The following TMC1 variants were observed in gnomAD, a reference collection of about 807,000 sequenced individuals.
TMC1 encodes transmembrane channel-like protein 1.
A neutral mutation model predicts 105.8 loss-of-function variants in TMC1; 84 were observed. That is an observed-to-expected ratio of 0.79 (90% CI 0.67 to 0.95). TMC1 has a LOEUF of 0.95. Among genes scored for constraint, TMC1 ranks in the 40% least tolerant of loss-of-function variants. The probability of loss-of-function intolerance (pLI) is 0.00; values close to 1 mark genes in which losing one functional copy is unlikely to be tolerated. For synonymous variants in TMC1, 315 were observed against 311.5 expected (o/e 1.01, Z -0.12); for missense variants, 817 against 914.1 (o/e 0.89, Z 1.37).
intron 23 of TMC1, 129 bp downstream of exon 23, chr9:72,830,811 A>G (rs1391607380): frequency 5.0e-6 from 4 of 799,138 alleles, no homozygotes; most frequent in East Asian, 5.3e-5. Flanking sequence ...TCATTCCACA[A>G]TCCTTACCTT....
At chr9:72,605,885 T>C (rs1030600849) in intron 2 of TMC1, among the ~76,000 whole-genome samples, 1 of 152,146 alleles carries the variant, frequency 6.6e-6, no homozygotes, top group African/African-American at 2.4e-5. Flanking sequence ...CCCAGTCAGA[T>C]AAAATTTTAA....
At chr9:72,734,363 C>T (rs931089645) in intron 8 of TMC1, among the ~76,000 whole-genome samples, 20 of 152,138 alleles carry the variant, frequency 1.3e-4, no homozygotes, top group African/African-American at 4.6e-4. Flanking sequence ...ATGGATGTGA[C>T]AATCCTACAG....
chr9:72,716,397 G>T (rs976780904), intron 8 of TMC1, among the ~76,000 whole-genome samples: 1 of 152,218 alleles, frequency 6.6e-6, no homozygotes, highest in Non-Finnish European at 1.5e-5. Flanking sequence ...TCCCAGGAAG[G>T]TGGGGGTTTT....
intron 4 of TMC1, among the ~76,000 whole-genome samples, chr9:72,634,850 G>T (rs1022192837): frequency 1.3e-5 from 2 of 152,208 alleles, no homozygotes; most frequent in African/African-American, 4.8e-5. Context: ...AGAGCCAGAT[G>T]GAAGAGAGGC....
In TMC1 at chr9:72,826,932, G is replaced by A. The variant is rs1828966703; in HGVS notation, c.2067G>A (p.Met689Ile). The A allele has an allele frequency of 1.1e-5, 17 of 1,614,082 alleles. No homozygotes were observed. Among genetic ancestry groups the A allele is most frequent in the African/African-American group, 2.7e-5 (2 of 75,034 alleles). The stretch of plus-strand genomic sequence containing the variant: ...TGGAGCACGATTTCCCAAGCTGGAT[G>A]GCGAAGATCTTGAGACAGCTTTCAA... ...ETLEHDFPSW[M>I]AKILRQLSNP... The change falls in exon 21 of 24, where the codon ATG becomes ATA. Residue 689 changes from methionine to isoleucine, a missense_variant. Physicochemically the swap from Met to Ile is conservative, Grantham distance 10. Transcript: ENST00000297784.
At chr9:72,716,398 T>TG (rs1176062586) in intron 8 of TMC1, among the ~76,000 whole-genome samples, 1 of 152,144 alleles carries the variant, frequency 6.6e-6, no homozygotes, top group African/African-American at 2.4e-5. Context: ...CCCAGGAAGG[T>TG]GGGGGTTTTA....
intron 5 of TMC1, among the ~76,000 whole-genome samples, chr9:72,667,516 C>A (rs780445804): frequency 1.3e-5 from 2 of 152,176 alleles, no homozygotes; most frequent in Non-Finnish European, 2.9e-5. Flanking sequence ...TTTTACAATT[C>A]TTTCACTACC....
intron 18 of TMC1, among the ~76,000 whole-genome samples, chr9:72,814,353 G>A (rs1031017322): frequency 3.3e-5 from 5 of 152,196 alleles, no homozygotes; most frequent in African/African-American, 1.2e-4. Flanking sequence ...CAGAGTTAAT[G>A]TTCTCCAGAT....
intron 4 of TMC1, among the ~76,000 whole-genome samples, chr9:72,634,498 G>T (rs769553731): frequency 6.6e-6 from 1 of 152,178 alleles, no homozygotes. Flanking sequence ...TCTTACAAAG[G>T]CAGTTTCAGT....
At position 72,662,191 on chromosome 9, in the gene TMC1, C is replaced by CTT. The variant is rs71359511; in HGVS notation, c.16+13539_16+13540dup. Among the ~76,000 whole-genome samples the CTT allele has an allele frequency of 4.6e-3, 658 of 141,538 alleles. 10 individuals are homozygous for CTT. The highest frequency in any genetic ancestry group is 0.028 in the South Asian group (125 of 4,398). The allele number at this position is 141,538 out of a possible 152,430, so 92.9% of individuals were successfully genotyped here. On this transcript the variant is annotated intron_variant, in intron 5 of 23. Transcript: ENST00000297784. Reference sequence around the variant, plus strand: ...TTTGACACATTTTCTTTTTCTTTTTCTTTTTTTTTTTTTGAGATAGAGTCT... The same window carrying CTT: ...TTTGACACATTTTCTTTTTCTTTTTCTTTTTTTTTTTTTTTGAGATAGAGTCT...
intron 5 of TMC1, among the ~76,000 whole-genome samples, chr9:72,671,443 G>T (rs1386817328): frequency 6.6e-6 from 1 of 152,106 alleles, no homozygotes; most frequent in African/African-American, 2.4e-5. Flanking sequence ...ACATTTTGGG[G>T]TAGTATATCT....
intron 4 of TMC1, among the ~76,000 whole-genome samples, chr9:72,638,776 G>T (rs1380853222): frequency 6.6e-6 from 1 of 152,202 alleles, no homozygotes; most frequent in Non-Finnish European, 1.5e-5. Context: ...GCTACTATGT[G>T]TTAGATTTTG....
At chr9:72,826,540 C>G (rs1828959146) in intron 20 of TMC1, among the ~76,000 whole-genome samples, 1 of 152,218 alleles carries the variant, frequency 6.6e-6, no homozygotes, top group Non-Finnish European at 1.5e-5. Flanking sequence ...ACAAGAGCAG[C>G]TGACTGAGAG....
At chr9:72,731,202 C>T (rs1827207453) in intron 8 of TMC1, among the ~76,000 whole-genome samples, 1 of 152,182 alleles carries the variant, frequency 6.6e-6, no homozygotes, top group Non-Finnish European at 1.5e-5. Flanking sequence ...CACATCTATG[C>T]CAGGTGCTAT....
chr9:72,819,253 C>G (rs1828834297), intron 19 of TMC1, among the ~76,000 whole-genome samples: 1 of 152,164 alleles, frequency 6.6e-6, no homozygotes, highest in African/African-American at 2.4e-5. Context: ...AGTTTCTACC[C>G]AGCAGTAAGG....
chr9:72,616,268 C>A (rs948314092), intron 2 of TMC1, 100 bp from the exon 3 acceptor site: 1 of 152,132 alleles, frequency 6.6e-6, no homozygotes, highest in African/African-American at 2.4e-5. Context: ...AGGTAAAATT[C>A]ACAAAGTTGG....
chr9:72,648,656 C>T lies in TMC1; in HGVS notation c.8C>T (p.Pro3Leu), dbSNP rs1825753816. 4 of 1,612,816 alleles carry T rather than the reference C, an allele frequency of 2.5e-6. No homozygotes were observed. Among genetic ancestry groups the T allele is most frequent in the African/African-American group, 1.3e-5 (1 of 74,770 alleles). MS[P>L]KKVQIKVEEK... ...TGACAGGACACCCCCAGGATGTCAC[C>T]CAAAAAAGGTATTTACAAAATCAAG... The change falls in exon 5 of 24, where the codon CCC (proline) becomes CTC (leucine). Residue 3 changes from proline (P) to leucine (L), a missense_variant. By Grantham distance (98) the Pro-to-Leu change is moderately conservative. Coordinates refer to ENST00000297784, the MANE Select transcript of TMC1 (RefSeq NM_138691.3).
intron 4 of TMC1, among the ~76,000 whole-genome samples, chr9:72,630,077 G>C (rs1180947578): frequency 6.6e-6 from 1 of 151,964 alleles, no homozygotes; most frequent in Non-Finnish European, 1.5e-5. Context: ...TCTTGGCCAG[G>C]CTGGTCTCGA....
chr9:72,627,824 T>C, intron 3 of TMC1, 97 bp from the exon 4 acceptor site: 1 of 349,192 alleles, frequency 2.9e-6, no homozygotes, highest in African/African-American at 2.1e-5. Flanking sequence ...ATAGAATATA[T>C]TGTATTTAAA....
Sources: allele counts gnomAD v4.1 joint callset (sites outside exome capture counted in the v4.1 genomes callset), GRCh38; gene constraint gnomAD v4.1.1; transcripts MANE v1.5; gene names NCBI Gene and HGNC (gene_info 2026-07-23, HGNC 2026-07-21).